The following FOCAD variants were observed in gnomAD, a reference collection of about 807,000 sequenced individuals.
The protein encoded by FOCAD is KIAA1797.
A neutral mutation model predicts 225.6 loss-of-function variants in FOCAD; 198 were observed. That is an observed-to-expected ratio of 0.88 (90% CI 0.78 to 0.99). The LOEUF is 0.99. FOCAD is among the 50% of genes least tolerant of loss of function. The pLI is 0.00. For missense variants in FOCAD, 2,713 were observed against 2,123.6 expected (o/e 1.28, Z -5.46); for synonymous variants, 897 against 755.0 (o/e 1.19, Z -3.08).
At chr9:20,831,175 T>C (rs990467230) in intron 15 of FOCAD, among the ~76,000 whole-genome samples, 1 of 152,112 alleles carries the variant, frequency 6.6e-6, no homozygotes, top group Non-Finnish European at 1.5e-5. Flanking sequence ...CCTCTTGATA[T>C]CATAATCTCG....
intron 27 of FOCAD, among the ~76,000 whole-genome samples, chr9:20,931,295 G>A (rs1835444729): frequency 6.6e-6 from 1 of 152,150 alleles, no homozygotes. Flanking sequence ...AGCACCCACA[G>A]AATAACTACA....
At chr9:20,781,641 C>T (rs934928835) in intron 9 of FOCAD, 86 bp from the exon 10 acceptor site, 9 of 1,155,718 alleles carry the variant, frequency 7.8e-6, no homozygotes, top group African/African-American at 1.5e-5. Context: ...AGAAAACTTT[C>T]TTGCATATCA....
At chr9:20,765,220 A>T in intron 7 of FOCAD, 147 bp downstream of exon 7, 1 of 616,194 alleles carries the variant, frequency 1.6e-6, no homozygotes, top group South Asian at 2.7e-5. Context: ...TTTGGGGAAG[A>T]TGAAAGAAAC....
At chr9:20,871,717 G>A (rs797022301) in intron 18 of FOCAD, among the ~76,000 whole-genome samples, 4 of 133,758 alleles carry the variant, frequency 3.0e-5, no homozygotes, top group Admixed American at 1.6e-4. Flanking sequence ...ATGAGAACAC[G>A]TGGACACAGG....
intron 2 of FOCAD, among the ~76,000 whole-genome samples, chr9:20,667,135 T>C (rs750689741): frequency 8.5e-5 from 13 of 152,240 alleles, no homozygotes; most frequent in Admixed American, 3.3e-4. Context: ...CTACCACTAA[T>C]TAGTTTCTCT....
intron 3 of FOCAD, among the ~76,000 whole-genome samples, 188 bp downstream of exon 3, chr9:20,718,056 A>T (rs1444812709): frequency 6.6e-6 from 1 of 152,190 alleles, no homozygotes; most frequent in Non-Finnish European, 1.5e-5. Flanking sequence ...AAAGTTTTAA[A>T]TTTATTAAAA....
chr9:20,941,379 A>G (rs1250683270), intron 28 of FOCAD, among the ~76,000 whole-genome samples: 2 of 152,204 alleles, frequency 1.3e-5, no homozygotes, highest in Non-Finnish European at 1.5e-5. Context: ...TAGAAATGCG[A>G]TAACATTTGT....
chr9:20,802,739 A>T (rs943454390), intron 11 of FOCAD, among the ~76,000 whole-genome samples: 1 of 152,148 alleles, frequency 6.6e-6, no homozygotes. Context: ...AATCCTATTA[A>T]TTTAGAGCTC....
Position 20,717,855 on chromosome 9 carries a change from A to G in FOCAD, c.119A>G (p.Gln40Arg), listed in dbSNP as rs1243870867. ...AATGGTTTTTCAGAAAAGATTCACC[A>G]ATCTACAAATCAGGTCTGTGTTTAA... ...KENGFSEKIHQSTNQTPALNL... is the reference protein window; with the variant it reads ...KENGFSEKIHRSTNQTPALNL... Residue 40 changes from glutamine (Q) to arginine (R), a missense_variant, in exon 3 of 44, where the codon CAA (glutamine) becomes CGA (arginine). Coordinates refer to ENST00000338382, the MANE Select transcript of FOCAD (RefSeq NM_001375567.1). The G allele has an allele frequency of 6.2e-7, 1 of 1,612,248 alleles. No homozygotes were observed. Among genetic ancestry groups the G allele is most frequent in the Non-Finnish European group, 8.5e-7 (1 of 1,179,080 alleles).
rs1410782645 is a variant in FOCAD, at chr9:20,991,870, C to T, written c.5257-1383C>T. 2.1e-4 allele frequency among the ~76,000 whole-genome samples: 32 copies of T among 150,206 alleles called. 1 individual carries two copies. The highest frequency in any genetic ancestry group is 2.1e-3 in the Admixed American group (31 of 15,062). On this transcript the variant is annotated intron_variant, in intron 42 of 43. Coordinates refer to ENST00000338382, the MANE Select transcript of FOCAD (RefSeq NM_001375567.1). ...GGTCTTCCCATATATTATTTCTGGA[C>T]TGGGATACCACGTTCCCTTTGGACT...
In FOCAD at chr9:20,856,216, C is replaced by A. The variant is rs142254697; in HGVS notation, c.1921-6362C>A. Among the ~76,000 whole-genome samples, 521 of 152,060 alleles carry A rather than the reference C, an allele frequency of 3.4e-3. 4 individuals are homozygous for A. Among genetic ancestry groups the A allele is most frequent in the African/African-American group, 9.6e-3 (399 of 41,546 alleles). On this transcript the variant is annotated intron_variant, in intron 15 of 43. Transcript: ENST00000338382. ...CTGTACTAATTTACATTCCTACCAA[C>A]AGTGTACGAGGGTTCCCCTTTCTCC... is the stretch of plus-strand genomic sequence containing the variant.
At chr9:20,942,823 A>T (rs1440313660) in intron 28 of FOCAD, among the ~76,000 whole-genome samples, 1 of 152,188 alleles carries the variant, frequency 6.6e-6, no homozygotes, top group African/African-American at 2.4e-5. Context: ...AATTTTCATC[A>T]GAGTTTATAA....
chr9:20,867,155 A>G, intron 18 of FOCAD, 143 bp downstream of exon 18: 1 of 535,908 alleles, frequency 1.9e-6, no homozygotes, highest in Non-Finnish European at 3.2e-6. Flanking sequence ...ATTCATACCC[A>G]TTATTTGTTT....
chr9:20,917,608 C>A (rs1833982124), intron 24 of FOCAD, among the ~76,000 whole-genome samples: 3 of 152,112 alleles, frequency 2.0e-5, no homozygotes, highest in Admixed American at 6.5e-5. Flanking sequence ...CTTCCACCAT[C>A]TTCTCTAACT....
Position 20,907,237 on chromosome 9 carries a change from T to A in FOCAD, c.2713T>A (p.Leu905Ile), listed in dbSNP as rs376500027. ...CATGAATCGAGCTTATCATGCCATT[T>A]TACAGGTAATGAAACCACAGGATAG... ...AYMNRAYHAILQGRLGELELQ... is the reference protein window; with the variant it reads ...AYMNRAYHAIIQGRLGELELQ... Residue 905 changes from leucine to isoleucine, a missense_variant, in exon 22 of 44, where the codon TTA becomes ATA. Transcript: ENST00000338382. 58 of 1,612,816 alleles carry A rather than the reference T, an allele frequency of 3.6e-5. No homozygotes were observed. The highest frequency in any genetic ancestry group is 1.6e-4 in the Middle Eastern group (1 of 6,078).
At chr9:20,979,766 A>T (rs1281153702) in intron 37 of FOCAD, among the ~76,000 whole-genome samples, 1 of 152,214 alleles carries the variant, frequency 6.6e-6, no homozygotes, top group African/African-American at 2.4e-5. Flanking sequence ...AGTGGCTCCC[A>T]GCTGCCTGCC....
intron 15 of FOCAD, among the ~76,000 whole-genome samples, chr9:20,826,695 A>T (rs761106580): frequency 1.3e-5 from 2 of 152,062 alleles, no homozygotes; most frequent in Non-Finnish European, 2.9e-5. Context: ...ACTTCATTTT[A>T]TATTGAAGAA....
chr9:20,784,659 T>G (rs1300380814), intron 10 of FOCAD, among the ~76,000 whole-genome samples: 2 of 152,194 alleles, frequency 1.3e-5, no homozygotes, highest in African/African-American at 2.4e-5. Context: ...GTTTATTCAT[T>G]CTTATGTGTT....
At chr9:20,832,170 A>G (rs1825562020) in intron 15 of FOCAD, among the ~76,000 whole-genome samples, 1 of 152,028 alleles carries the variant, frequency 6.6e-6, no homozygotes, top group South Asian at 2.1e-4. Flanking sequence ...ATGTCAACGT[A>G]TGAGTTTCAT....
Sources: allele counts gnomAD v4.1 joint callset (sites outside exome capture counted in the v4.1 genomes callset), GRCh38; gene constraint gnomAD v4.1.1; transcripts MANE v1.5; gene names NCBI Gene and HGNC (gene_info 2026-07-23, HGNC 2026-07-21).